Variants in AK2 observed in about 807,000 individuals in gnomAD.
The protein encoded by AK2 is adenylate kinase 2, mitochondrial.
Under a neutral mutation model 24.6 loss-of-function variants are expected in AK2, and 15 were observed. That is an observed-to-expected ratio of 0.61 (90% CI 0.41 to 0.94). AK2 has a LOEUF of 0.94. Ranked by LOEUF, AK2 falls within the 40% of genes least tolerant of loss-of-function variation. The pLI is 0.00. For synonymous variants in AK2, 102 were observed against 114.0 expected (o/e 0.90, Z 0.67); for missense variants, 257 against 304.1 (o/e 0.85, Z 1.15).
rs1334662467 is a variant in AK2, at chr1:33,011,643, C to G, written c.*1538G>C. On this transcript the variant is annotated 3_prime_UTR_variant, in exon 6 of 6. Coordinates refer to ENST00000672715, the MANE Select transcript of AK2 (RefSeq NM_001625.4). ...GCGATATTATTTACTGGATCTGCCA[C>G]TGACTTTCTAATGGTTTTTCCAGAG... is the stretch of plus-strand genomic sequence containing the variant. The G allele has an allele frequency of 7.7e-7, 1 of 1,293,182 alleles. No individual in the cohort carries two copies. Among genetic ancestry groups the G allele is most frequent in the African/African-American group, 1.5e-5 (1 of 66,194 alleles). The allele number at this position is 1,293,182 out of a possible 1,614,324, so 80.1% of individuals were successfully genotyped here.
rs536834244 is a variant in AK2 at position 33,033,227 on chromosome 1, G to A, written c.93+3509C>T. ...CAAAACCCCAGGAAAAAAAGAGAAG[G>A]GGAACTTATAAATTAAAAGAAAGGA... On this transcript the variant is annotated intron_variant, in intron 1 of 5. Coordinates refer to ENST00000672715, the MANE Select transcript of AK2 (RefSeq NM_001625.4). 2.6e-5 allele frequency among the ~76,000 whole-genome samples: 4 copies of A among 152,178 alleles called. No individual in the cohort carries two copies. In the South Asian group the frequency reaches 8.3e-4, roughly 32 times the overall value.
At position 33,014,260 on chromosome 1, in the gene AK2, T is replaced by C. The variant is rs2075986; in HGVS notation, c.498+262A>G. 96,807 of 378,304 alleles carry C rather than the reference T, an allele frequency of 0.26. 13,978 individuals are homozygous for C. Among genetic ancestry groups the C allele is most frequent in the Admixed American group, 0.38 (10,463 of 27,340 alleles). The allele number at this position is 378,304 out of a possible 1,614,324, so 23.4% of individuals were successfully genotyped here. ...ATGATGCCAGAAAAGGGGCTGCTCT[T>C]GACAGAAGACAGGTACAATCTGGGC... On this transcript the variant is annotated intron_variant, in intron 5 of 5. Coordinates refer to ENST00000672715, the MANE Select transcript of AK2 (RefSeq NM_001625.4).
Position 33,012,984 on chromosome 1 carries a change from G to GCA in AK2, c.*195_*196dup, listed in dbSNP as rs368005323. Reference sequence around the variant, plus strand: ...TAGCAGAGTGAACACATATGTGCATGCACACACACACACACACAACACACA... The same window carrying GCA: ...TAGCAGAGTGAACACATATGTGCATGCACACACACACACACACACAACACACA... On this transcript the variant is annotated 3_prime_UTR_variant, in exon 6 of 6. Coordinates refer to ENST00000672715, the MANE Select transcript of AK2 (RefSeq NM_001625.4). The GCA allele has an allele frequency of 2.2e-3, 3,313 of 1,490,574 alleles. 3 individuals are homozygous for GCA. Among genetic ancestry groups the GCA allele is most frequent in the African/African-American group, 2.5e-3 (177 of 71,182 alleles). The allele number at this position is 1,490,574 out of a possible 1,614,324, so 92.3% of individuals were successfully genotyped here. A position where few individuals can be genotyped will look rare whatever the true frequency, so the allele number is the denominator to read the frequency against.
chr1:33,010,168 A>G lies in AK2; in HGVS notation c.*3013T>C, dbSNP rs1638713635. ...CATAGGATTGTGGCATGTGCTGGGT[A>G]GCTGTGAGAGGTTACTCATGAAAGT... On this transcript the variant is annotated 3_prime_UTR_variant, in exon 6 of 6. Transcript: ENST00000672715. The G allele has an allele frequency of 4.4e-6, 2 of 454,156 alleles. No homozygotes were observed. Among genetic ancestry groups the G allele is most frequent in the African/African-American group, 4.0e-5 (2 of 50,042 alleles). 28.1% of individuals were successfully genotyped at this position (454,156 alleles called of 1,614,324 possible).
chr1:33,036,634 G>C lies in AK2; in HGVS notation c.93+102C>G, dbSNP rs545824284. On this transcript the variant is annotated intron_variant, in intron 1 of 5. Transcript: ENST00000672715. ...CGGCCAGCGTTCCCCGCAGGCCTTA[G>C]TCCCCGGCCCGCTCCGGGCAGGTCC... is the stretch of plus-strand genomic sequence containing the variant. 1,599 of 1,144,386 alleles carry C rather than the reference G, an allele frequency of 1.4e-3. 3 individuals carry two copies. Among genetic ancestry groups the C allele is most frequent in the Non-Finnish European group, 2.0e-3 (1,520 of 777,658 alleles). 70.9% of individuals were successfully genotyped at this position (1,144,386 alleles called of 1,614,324 possible). A position where few individuals can be genotyped will look rare whatever the true frequency, so the allele number is the denominator to read the frequency against.
intron 2 of AK2, among the ~76,000 whole-genome samples, chr1:33,023,837 T>C (rs895555260): frequency 4.6e-5 from 7 of 151,986 alleles, no homozygotes; most frequent in African/African-American, 1.7e-4. Flanking sequence ...TATGAATGAG[T>C]GCCATAAATT....
rs188985887 is a variant in AK2 at position 33,021,269 on chromosome 1, A to G, written c.425+98T>C. On this transcript the variant is annotated intron_variant, in intron 4 of 5. Transcript: ENST00000672715. ...CCAAATAAAATCAATCCATGTTGAAATGGCACTAAGCTTCATGGCCGGGAT... is the reference window on the plus strand; with the variant it reads ...CCAAATAAAATCAATCCATGTTGAAGTGGCACTAAGCTTCATGGCCGGGAT... 3.9e-6 allele frequency: 4 copies of G among 1,035,682 alleles called. No homozygotes were observed. The African/African-American group carries it at 6.3e-5, about 16-fold the overall frequency. 64.2% of individuals were successfully genotyped at this position (1,035,682 alleles called of 1,614,324 possible). A position where few individuals can be genotyped will look rare whatever the true frequency, so the allele number is the denominator to read the frequency against.
rs1401129411 is a variant in AK2 at position 33,012,351 on chromosome 1, A to G, written c.*830T>C. On this transcript the variant is annotated 3_prime_UTR_variant, in exon 6 of 6. Coordinates refer to ENST00000672715, the MANE Select transcript of AK2 (RefSeq NM_001625.4). ...GCCTTTTTCCTTCCACCTAGGGGGA[A>G]AAAATTAATGATCCCTGTTCACACA... 2.0e-6 allele frequency: 3 copies of G among 1,528,964 alleles called. No homozygotes were observed. In the Admixed American group the frequency reaches 5.9e-5, roughly 30 times the overall value. The allele number at this position is 1,528,964 out of a possible 1,614,324, so 94.7% of individuals were successfully genotyped here.
chr1:33,029,069 G>C (rs1640082110), intron 1 of AK2, among the ~76,000 whole-genome samples: 1 of 152,194 alleles, frequency 6.6e-6, no homozygotes, highest in Non-Finnish European at 1.5e-5. Context: ...TCTATCTGCT[G>C]AACTGTTGTG....
At chr1:33,024,707 TA>T in intron 1 of AK2, 140 bp from the exon 2 acceptor site, 1 of 966,804 alleles carries the variant, frequency 1.0e-6, no homozygotes, top group East Asian at 2.6e-5. Context: ...GTAATGGGGA[TA>T]AAAGTACCTT....
At chr1:33,032,715 C>CA (rs920289485) in intron 1 of AK2, among the ~76,000 whole-genome samples, 7 of 151,988 alleles carry the variant, frequency 4.6e-5, no homozygotes, top group Admixed American at 4.6e-4. Flanking sequence ...GTAGTTGGGC[C>CA]AAAAAATTGA....
In AK2 at chr1:33,009,427, A is replaced by G; in HGVS notation, c.*3754T>C. ...TAAGGATTAGAAGCACTGGCTTTCT[A>G]GACTATGGACAAGTGTCCATTCAAC... On this transcript the variant is annotated 3_prime_UTR_variant, in exon 6 of 6. Coordinates refer to ENST00000672715, the MANE Select transcript of AK2 (RefSeq NM_001625.4). 1 of 454,152 alleles carries G rather than the reference A, an allele frequency of 2.2e-6. No individual in the cohort carries two copies. 28.1% of individuals were successfully genotyped at this position (454,152 alleles called of 1,614,324 possible). A position where few individuals can be genotyped will look rare whatever the true frequency, so the allele number is the denominator to read the frequency against.
chr1:33,010,249 A>G lies in AK2; in HGVS notation c.*2932T>C. 2.2e-6 allele frequency: 1 copy of G among 454,606 alleles called. No individual in the cohort carries two copies. The highest frequency in any genetic ancestry group is 1.6e-5 in the South Asian group (1 of 64,490). 28.2% of individuals were successfully genotyped at this position (454,606 alleles called of 1,614,324 possible). ...GGGAAGGGAATCAGCCTCCCTTTCC[A>G]TTTCATTCCCTTCCCCCTCCCCTTG... On this transcript the variant is annotated 3_prime_UTR_variant, in exon 6 of 6. Coordinates refer to ENST00000672715, the MANE Select transcript of AK2 (RefSeq NM_001625.4).
At chr1:33,035,826 C>T (rs1640544210) in intron 1 of AK2, among the ~76,000 whole-genome samples, 1 of 152,116 alleles carries the variant, frequency 6.6e-6, no homozygotes, top group Admixed American at 6.5e-5. Context: ...GGAAAGCCAC[C>T]TGACCTTTCT....
At chr1:33,033,860 T>G (rs901166095) in intron 1 of AK2, among the ~76,000 whole-genome samples, 1 of 152,196 alleles carries the variant, frequency 6.6e-6, no homozygotes, top group Non-Finnish European at 1.5e-5. Flanking sequence ...AGGCTACCAT[T>G]TGTAAAGTCT....
chr1:33,008,238 G>A lies in AK2; in HGVS notation c.*4943C>T. 1 of 453,986 alleles carries A rather than the reference G, an allele frequency of 2.2e-6. No homozygotes were observed. Among genetic ancestry groups the A allele is most frequent in the South Asian group, 1.6e-5 (1 of 64,470 alleles). The allele number at this position is 453,986 out of a possible 1,614,324, so 28.1% of individuals were successfully genotyped here. A position where few individuals can be genotyped will look rare whatever the true frequency, so the allele number is the denominator to read the frequency against. On this transcript the variant is annotated 3_prime_UTR_variant, in exon 6 of 6. Transcript: ENST00000672715. ...TCACTAGTGTCATCAGCACCTTTGA[G>A]GGGTAGGGATCATTCCTATTCTACT...
chr1:33,036,631 T>C, intron 1 of AK2, 105 bp downstream of exon 1: 2 of 1,100,096 alleles, frequency 1.8e-6, no homozygotes, highest in Non-Finnish European at 2.7e-6. Context: ...CCCGCAGGCC[T>C]TAGTCCCCGG....
In AK2 at chr1:33,008,804, G is replaced by C. The variant is rs557194960; in HGVS notation, c.*4377C>G. On this transcript the variant is annotated 3_prime_UTR_variant, in exon 6 of 6. Coordinates refer to ENST00000672715, the MANE Select transcript of AK2 (RefSeq NM_001625.4). ...GGCACAACGTCAGTCTTCCGGGAGTGGTAGGACTAGTCTGCATTCTTGGTT... is the reference window on the plus strand; with the variant it reads ...GGCACAACGTCAGTCTTCCGGGAGTCGTAGGACTAGTCTGCATTCTTGGTT... 2.2e-6 allele frequency: 1 copy of C among 454,090 alleles called. No individual in the cohort carries two copies. The highest frequency in any genetic ancestry group is 6.9e-5 in the East Asian group (1 of 14,398). The allele number at this position is 454,090 out of a possible 1,614,324, so 28.1% of individuals were successfully genotyped here.
Position 33,036,748 on chromosome 1 carries a change from A to C in AK2, c.81T>G (p.Gly27=). The change falls in exon 1 of 6, where the codon GGT becomes GGG. Residue 27 remains glycine (G), a synonymous_variant. Transcript: ENST00000672715. ...RAVLLGPPGA[G]KGTQAPRLAE... is the part of the protein sequence containing the mutation. ...TCCTGCCGCTCACCTGGGTCCCTTT[A>C]CCGGCCCCGGGAGGCCCCAGCAGCA... 1 of 1,591,044 alleles carries C rather than the reference A, an allele frequency of 6.3e-7. No homozygotes were observed. The highest frequency in any genetic ancestry group is 8.6e-7 in the Non-Finnish European group (1 of 1,168,574).
Sources: gnomAD v4.1 joint callset for allele counts (sites outside exome capture counted in the v4.1 genomes callset) on GRCh38, gnomAD v4.1.1 for gene constraint, MANE v1.5 for transcripts, NCBI Gene and HGNC (gene_info 2026-07-23, HGNC 2026-07-21) for gene names.